The following IL1RAPL2 variants were observed in gnomAD, a reference collection of about 807,000 sequenced individuals.
IL1RAPL2 encodes the protein X-linked interleukin-1 receptor accessory protein-like 2.
IL1RAPL2 carries 3 observed loss-of-function variants against 44.1 expected under a neutral mutation model. The ratio of observed to expected loss-of-function variants is 0.07; its 90% CI spans 0.03 to 0.18. The LOEUF (loss-of-function observed/expected upper bound fraction) is 0.18. Ranked by LOEUF, IL1RAPL2 falls within the 10% of genes least tolerant of loss-of-function variation. IL1RAPL2 has a pLI of 1.00. For synonymous variants in IL1RAPL2, 181 were observed against 178.8 expected (o/e 1.01, Z -0.10); for missense variants, 391 against 496.4 (o/e 0.79, Z 2.02).
chrX:105,391,706 T>A lies in IL1RAPL2; in HGVS notation c.698-92607T>A, dbSNP rs2035524149. ...AAGACACATGCACACGTATGTTTAT[T>A]GCGGCACTATTCACAATAGCAAAGA... is the stretch of plus-strand genomic sequence containing the variant. On this transcript the variant is annotated intron_variant, in intron 5 of 10. Coordinates refer to ENST00000372582, the MANE Select transcript of IL1RAPL2 (RefSeq NM_017416.2). 5.0e-5 allele frequency among the ~76,000 whole-genome samples: 4 copies of A among 79,380 alleles called. No homozygotes were observed. In the Admixed American group the frequency reaches 5.9e-4, roughly 12 times the overall value. The allele number at this position is 79,380 out of a possible 115,157, so 68.9% of individuals were successfully genotyped here.
intron 7 of IL1RAPL2, among the ~76,000 whole-genome samples, chrX:105,728,937 T>C (rs1310110528): frequency 9.0e-6 from 1 of 111,319 alleles, no homozygotes; most frequent in East Asian, 2.8e-4. Flanking sequence ...ATAGTCTTTA[T>C]AGTTTTGCCT....
At chrX:105,601,150 G>A (rs1027361095) in intron 6 of IL1RAPL2, among the ~76,000 whole-genome samples, 1 of 110,494 alleles carries the variant, frequency 9.1e-6, no homozygotes, top group South Asian at 3.8e-4. Context: ...TATGTATTAT[G>A]GATACTAATA....
intron 6 of IL1RAPL2, among the ~76,000 whole-genome samples, chrX:105,578,572 C>T (rs1489002255): frequency 7.2e-5 from 8 of 110,957 alleles, no homozygotes; most frequent in Non-Finnish European, 1.5e-4. Flanking sequence ...AAAACCCTGA[C>T]GCAAGTGTTT....
intron 2 of IL1RAPL2, among the ~76,000 whole-genome samples, chrX:104,659,355 G>A (rs1032971403): frequency 1.8e-5 from 2 of 111,960 alleles, no homozygotes; most frequent in Non-Finnish European, 3.8e-5. Context: ...AATTGAGTGT[G>A]TAGCATTGCA....
At chrX:105,104,665 CATTT>C (rs1356491488) in intron 2 of IL1RAPL2, among the ~76,000 whole-genome samples, 4 of 112,044 alleles carry the variant, frequency 3.6e-5, no homozygotes, top group African/African-American at 1.3e-4. Context: ...ATTTAACAAA[CATTT>C]ATTGATTAGT....
intron 6 of IL1RAPL2, among the ~76,000 whole-genome samples, chrX:105,613,316 C>A (rs2037350061): frequency 8.9e-6 from 1 of 112,273 alleles, no homozygotes; most frequent in African/African-American, 3.2e-5. Context: ...CCTGAATAAT[C>A]AGCAGCGATA....
chrX:105,019,362 T>A (rs1394837340), intron 2 of IL1RAPL2, among the ~76,000 whole-genome samples: 1 of 111,689 alleles, frequency 9.0e-6, no homozygotes, highest in Non-Finnish European at 1.9e-5. Context: ...ATTGAAACAC[T>A]AGCTCTATAA....
At chrX:104,860,569 G>A (rs963476855) in intron 2 of IL1RAPL2, among the ~76,000 whole-genome samples, 2 of 110,661 alleles carry the variant, frequency 1.8e-5, no homozygotes, top group Non-Finnish European at 3.8e-5. Flanking sequence ...AAGTGCTTGA[G>A]GTCAGAAGTG....
chrX:105,489,703 T>C (rs2036296580), intron 6 of IL1RAPL2, among the ~76,000 whole-genome samples: 2 of 109,315 alleles, frequency 1.8e-5, no homozygotes, highest in Non-Finnish European at 3.8e-5. Flanking sequence ...TCTTTCTTTT[T>C]CTTTCCTTCC....
chrX:105,388,356 A>ATTTTT (rs772573698), intron 5 of IL1RAPL2, among the ~76,000 whole-genome samples: 1,267 of 61,253 alleles, frequency 0.021, 206 homozygotes, highest in African/African-American at 0.12. Flanking sequence ...ACCAAAGCAG[A>ATTTTT]TTTTTTTTTT....
intron 7 of IL1RAPL2, among the ~76,000 whole-genome samples, chrX:105,734,157 T>TATTA (rs1260399506): frequency 2.7e-5 from 3 of 110,541 alleles, no homozygotes; most frequent in Non-Finnish European, 5.7e-5. Context: ...TAAAATCCCT[T>TATTA]ATTATTATAC....
intron 5 of IL1RAPL2, among the ~76,000 whole-genome samples, chrX:105,336,856 C>T (rs2035032439): frequency 8.9e-6 from 1 of 112,030 alleles, no homozygotes; most frequent in African/African-American, 3.2e-5. Flanking sequence ...AATGTCACTA[C>T]TGTATTACCT....
intron 2 of IL1RAPL2, among the ~76,000 whole-genome samples, chrX:105,085,712 G>T (rs779974675): frequency 8.9e-6 from 1 of 111,740 alleles, no homozygotes; most frequent in East Asian, 2.8e-4. Flanking sequence ...TAGGGATGCT[G>T]ACTCTCACGG....
chrX:105,701,197 A>G, intron 6 of IL1RAPL2, among the ~76,000 whole-genome samples: 1 of 111,919 alleles, frequency 8.9e-6, no homozygotes, highest in Non-Finnish European at 1.9e-5. Flanking sequence ...AATTTTGGGC[A>G]CTATGCAGGC....
intron 6 of IL1RAPL2, among the ~76,000 whole-genome samples, chrX:105,550,413 A>G (rs752850724): frequency 2.7e-5 from 3 of 112,391 alleles, no homozygotes; most frequent in Admixed American, 9.4e-5. Context: ...CACTAAGTCT[A>G]TATTCCACTG....
At chrX:105,342,113 A>G (rs763719457) in intron 5 of IL1RAPL2, among the ~76,000 whole-genome samples, 7 of 93,087 alleles carry the variant, frequency 7.5e-5, no homozygotes, top group Non-Finnish European at 1.5e-4. Context: ...GAACAACGAG[A>G]TCACATGGAC....
intron 2 of IL1RAPL2, among the ~76,000 whole-genome samples, chrX:105,168,792 C>T (rs907855772): frequency 1.5e-4 from 17 of 109,953 alleles, no homozygotes; most frequent in African/African-American, 5.6e-4. Flanking sequence ...TGAGGCTCAC[C>T]CACAGTGGGG....
chrX:104,921,953 C>T (rs1418095535), intron 2 of IL1RAPL2, among the ~76,000 whole-genome samples: 5 of 112,430 alleles, frequency 4.4e-5, no homozygotes, highest in African/African-American at 1.6e-4. Context: ...ATCCTTCTTA[C>T]CCTGAGCGTG....
intron 6 of IL1RAPL2, among the ~76,000 whole-genome samples, chrX:105,701,327 C>A (rs1220847406): frequency 1.1e-4 from 12 of 111,197 alleles, no homozygotes; most frequent in African/African-American, 3.9e-4. Context: ...ACCCTTGAGA[C>A]AACTCAAGGG....
Sources: gnomAD v4.1 joint callset for allele counts (sites outside exome capture counted in the v4.1 genomes callset) on GRCh38, gnomAD v4.1.1 for gene constraint, MANE v1.5 for transcripts, NCBI Gene and HGNC (gene_info 2026-07-23, HGNC 2026-07-21) for gene names.